Variants in PAK3 observed in about 807,000 individuals in gnomAD.
PAK3 encodes serine/threonine-protein kinase PAK 3.
Under a neutral mutation model 41.0 loss-of-function variants are expected in PAK3, and 4 were observed. The observed-to-expected ratio is 0.10, with a 90% CI of 0.05 to 0.22. The LOEUF is 0.22. PAK3 is among the 10% of genes least tolerant of loss of function. The pLI, the probability that PAK3 is intolerant of heterozygous loss-of-function variation, is 1.00. For synonymous variants in PAK3, 146 were observed against 139.6 expected (o/e 1.05, Z -0.32); for missense variants, 205 against 409.9 (o/e 0.50, Z 4.32).
chrX:111,035,123 AAAAAAAAAAAAG>A (rs2092382234), intron 1 of PAK3, among the ~76,000 whole-genome samples: 1 of 66,735 alleles, frequency 1.5e-5, no homozygotes, highest in Non-Finnish European at 3.0e-5. Flanking sequence ...AAAAAAAAAA[AAAAAAAAAAAAG>A]AAAGAAAGAA....
At chrX:111,188,388 C>T (rs562245760) in intron 11 of PAK3, among the ~76,000 whole-genome samples, 1 of 110,229 alleles carries the variant, frequency 9.1e-6, no homozygotes, top group African/African-American at 3.3e-5. Flanking sequence ...GGGCCCCCCT[C>T]CCTAGCTTTA....
At chrX:110,956,865 T>C (rs1271316769) in intron 1 of PAK3, among the ~76,000 whole-genome samples, 4 of 111,825 alleles carry the variant, frequency 3.6e-5, no homozygotes, top group African/African-American at 6.5e-5. Context: ...ACCTGATCAA[T>C]AGAGCTGGGA....
chrX:111,180,289 A>G (rs2094450843), intron 11 of PAK3, among the ~76,000 whole-genome samples: 1 of 111,389 alleles, frequency 9.0e-6, no homozygotes, highest in Admixed American at 9.6e-5. Context: ...CTTTCACTGC[A>G]TTAGTTTTGA....
chrX:111,177,252 C>G (rs12009005), intron 11 of PAK3, among the ~76,000 whole-genome samples: 7,569 of 112,018 alleles, frequency 0.068, 644 homozygotes, highest in African/African-American at 0.23. Flanking sequence ...TTCACTCACT[C>G]TCAGGAGCTG....
At chrX:111,094,098 A>G (rs1192557299), upstream of PAK3, among the ~76,000 whole-genome samples, 1 of 110,310 alleles carries the variant, frequency 9.1e-6, no homozygotes, top group Non-Finnish European at 1.9e-5. Context: ...TTTTAACTCC[A>G]AAGTTAGTTA....
At chrX:110,951,066 G>GT (rs1031603509) in intron 1 of PAK3, among the ~76,000 whole-genome samples, 13 of 111,537 alleles carry the variant, frequency 1.2e-4, no homozygotes, top group African/African-American at 2.3e-4. Context: ...CTTTTCATGT[G>GT]TTTTTTTGGC....
At chrX:110,960,353 G>T (rs1329543773) in intron 1 of PAK3, among the ~76,000 whole-genome samples, 1 of 112,030 alleles carries the variant, frequency 8.9e-6, no homozygotes, top group Admixed American at 9.5e-5. Context: ...AGGGAATGCT[G>T]GGAGAGAGGG....
chrX:111,019,076 C>T (rs184464741), intron 1 of PAK3, among the ~76,000 whole-genome samples: 39 of 111,138 alleles, frequency 3.5e-4, no homozygotes, highest in African/African-American at 1.1e-3. Context: ...TTACCTTACA[C>T]CATATACATA....
chrX:111,143,855 G>A (rs1306873973), intron 6 of PAK3, among the ~76,000 whole-genome samples: 2 of 110,791 alleles, frequency 1.8e-5, no homozygotes, highest in Non-Finnish European at 3.8e-5. Context: ...AACTACTATT[G>A]TGTTTTATTG....
At chrX:111,111,332 TG>T (rs1036414592) in intron 4 of PAK3, among the ~76,000 whole-genome samples, 1 of 112,129 alleles carries the variant, frequency 8.9e-6, no homozygotes, top group Non-Finnish European at 1.9e-5. Flanking sequence ...AAAGACAAGA[TG>T]CTTAGATATG....
At chrX:111,216,388 G>A in intron 16 of PAK3, 33 bp from the exon 17 acceptor site, 1 of 1,110,239 alleles carries the variant, frequency 9.0e-7, no homozygotes. Flanking sequence ...TAATATGTAT[G>A]TGCTGAATGG....
chrX:111,098,144 T>C (rs1018761172), intron 3 of PAK3, among the ~76,000 whole-genome samples: 2 of 108,972 alleles, frequency 1.8e-5, no homozygotes, highest in Non-Finnish European at 3.8e-5. Context: ...TGGTCAGAGG[T>C]GGAAATGGTA....
At chrX:111,153,969 A>G (rs1369977446) in intron 8 of PAK3, among the ~76,000 whole-genome samples, 2 of 112,195 alleles carry the variant, frequency 1.8e-5, no homozygotes, top group Non-Finnish European at 3.8e-5. Flanking sequence ...AGCCTTAAAA[A>G]GAAGACAATT....
intron 1 of PAK3, among the ~76,000 whole-genome samples, chrX:111,039,313 C>T: frequency 1.8e-5 from 2 of 112,065 alleles, no homozygotes; most frequent in East Asian, 5.6e-4. Context: ...CATTCGTGTG[C>T]TGGATGTCAC....
chrX:111,161,504 T>C (rs375022163), intron 8 of PAK3, among the ~76,000 whole-genome samples: 15,958 of 109,494 alleles, frequency 0.15, 2,698 homozygotes, highest in African/African-American at 0.47. Flanking sequence ...GCTTTTGTTG[T>C]CATTGCTTTT....
At chrX:111,113,561 A>T in intron 4 of PAK3, among the ~76,000 whole-genome samples, 1 of 110,756 alleles carries the variant, frequency 9.0e-6, no homozygotes. Context: ...TTTTACTCTC[A>T]TTTTGCAATG....
intron 1 of PAK3, among the ~76,000 whole-genome samples, chrX:111,088,578 A>T (rs190362999): frequency 9.7e-4 from 109 of 112,016 alleles, no homozygotes; most frequent in African/African-American, 3.2e-3. Context: ...CTAACTTCTG[A>T]TCATTCAAGG....
intron 1 of PAK3, among the ~76,000 whole-genome samples, chrX:111,029,631 G>A (rs1051464984): frequency 9.0e-6 from 1 of 111,667 alleles, no homozygotes; most frequent in Non-Finnish European, 1.9e-5. Context: ...AAGATGAATC[G>A]TCTGTCTGAA....
At chrX:110,991,424 T>C (rs752032792) in intron 1 of PAK3, among the ~76,000 whole-genome samples, 18 of 111,716 alleles carry the variant, frequency 1.6e-4, no homozygotes, top group Non-Finnish European at 2.8e-4. Flanking sequence ...TGTCTAATAT[T>C]AGTTGTGTAG....
Sources: allele counts gnomAD v4.1 joint callset (sites outside exome capture counted in the v4.1 genomes callset), GRCh38; gene constraint gnomAD v4.1.1; transcripts MANE v1.5; gene names NCBI Gene and HGNC (gene_info 2026-07-23, HGNC 2026-07-21).